Variants in FADS2 observed in about 807,000 individuals in gnomAD.
The protein encoded by FADS2 is acyl-CoA 6-desaturase.
A neutral mutation model predicts 61.2 loss-of-function variants in FADS2; 18 were observed. The ratio of observed to expected loss-of-function variants is 0.29; its 90% CI spans 0.20 to 0.44. The LOEUF (loss-of-function observed/expected upper bound fraction) is 0.44, where lower values mean the gene tolerates loss of function less well. Among genes scored for constraint, FADS2 ranks in the 20% least tolerant of loss-of-function variants. FADS2 has a pLI of 1.00. For synonymous variants in FADS2, 203 were observed against 223.9 expected, an observed-to-expected ratio of 0.91 and a Z score of 0.83; for missense variants, 322 against 572.7, an observed-to-expected ratio of 0.56 and a Z score of 4.47.
Position 61,857,086 on chromosome 11 carries a change from C to T in FADS2, c.805+15C>T, listed in dbSNP as rs900154923. ...CTTCTTCCTGAGTGAGTGCTCGGCG[C>T]CCCGAAATCACTCTGGGACCCTCCC... On this transcript the variant is annotated intron_variant, in intron 6 of 11. Transcript: ENST00000278840. 2 of 1,611,890 alleles carry T rather than the reference C, an allele frequency of 1.2e-6. No individual in the cohort carries two copies. The highest frequency in any genetic ancestry group is 1.7e-6 in the Non-Finnish European group (2 of 1,178,066).
At chr11:61,858,574 C>T (rs867587923) in intron 7 of FADS2, among the ~76,000 whole-genome samples, 1 of 151,728 alleles carries the variant, frequency 6.6e-6, no homozygotes, top group Non-Finnish European at 1.5e-5. Context: ...TGCATTAGGG[C>T]CCATTGTAAT....
chr11:61,825,666 G>C (rs1365013888), upstream of FADS2, among the ~76,000 whole-genome samples: 1 of 150,966 alleles, frequency 6.6e-6, no homozygotes, highest in African/African-American at 2.4e-5. Context: ...GCCGAGGCAG[G>C]TGGATCACGA....
At chr11:61,857,429 C>T (rs919668254) in intron 6 of FADS2, 25 bp from the exon 7 acceptor site, 1 of 1,609,666 alleles carries the variant, frequency 6.2e-7, no homozygotes, top group Non-Finnish European at 8.5e-7. Flanking sequence ...ATGGATGCCT[C>T]TAAGCGCCTG....
At chr11:61,857,575 T>C in intron 7 of FADS2, 45 bp downstream of exon 7, 2 of 1,553,672 alleles carry the variant, frequency 1.3e-6, no homozygotes, top group Non-Finnish European at 1.8e-6. Context: ...GGAGGGTGAC[T>C]GGGACAGGGG....
Position 61,828,823 on chromosome 11 carries a change from T to C in FADS2, c.207+226T>C, listed in dbSNP as rs1190073400. On this transcript the variant is annotated intron_variant, in intron 1 of 11. Transcript: ENST00000278840. The surrounding 1 kb of genome is among the most constrained non-coding windows in gnomAD (Gnocchi z 6.4). ...GGGACCCGGGGAGGCGGCGCTGCGG[T>C]GAAAGTCCCAGCGGTGGAGAACAGG... 2.0e-5 allele frequency: 11 copies of C among 546,468 alleles called. No individual in the cohort carries two copies. Among genetic ancestry groups the C allele is most frequent in the Non-Finnish European group, 2.0e-5 (6 of 306,094 alleles). The allele number at this position is 546,468 out of a possible 1,614,324, so 33.9% of individuals were successfully genotyped here.
At chr11:61,835,990 C>T (rs1192249424) in intron 1 of FADS2, among the ~76,000 whole-genome samples, 5 of 152,200 alleles carry the variant, frequency 3.3e-5, no homozygotes, top group African/African-American at 1.2e-4. Flanking sequence ...AATATCTGGT[C>T]CATATTCATT....
upstream of FADS2, chr11:61,828,112 G>C: frequency 2.3e-6 from 3 of 1,332,928 alleles, no homozygotes; most frequent in East Asian, 9.6e-5. The surrounding 1 kb of genome is among the most constrained non-coding windows in gnomAD (Gnocchi z 6.4). Context: ...TTTTACTGGA[G>C]GCAAAAGTCC....
At chr11:61,855,433 A>C (rs556656) in intron 5 of FADS2, 147,665 of 152,344 alleles carry the variant, frequency 0.97, 71,727 homozygotes, top group East Asian at 1. Flanking sequence ...TCCTCCAGCA[A>C]CTCCGTCCAC....
Position 61,863,375 on chromosome 11 carries a change from C to G in FADS2, c.1074C>G (p.Ser358Arg). The G allele has an allele frequency of 6.2e-7, 1 of 1,610,246 alleles. No homozygotes were observed. The highest frequency in any genetic ancestry group is 8.5e-7 in the Non-Finnish European group (1 of 1,176,478). ...AGGCCTACCGTGACTGGTTCAGTAG[C>G]CAGGTAGGGAAGTCAGGGCCGGTCA... ...DQEAYRDWFSSQLTATCNVEQ... is the reference protein window; with the variant it reads ...DQEAYRDWFSRQLTATCNVEQ... Residue 358 changes from serine to arginine, a missense_variant, in exon 9 of 12, where the codon AGC becomes AGG. Transcript: ENST00000278840.
At chr11:61,817,047 A>C (rs1028442996) in intron 1 of FADS2, 23 of 1,189,382 alleles carry the variant, frequency 1.9e-5, no homozygotes, top group Non-Finnish European at 2.5e-5. Flanking sequence ...TCGCCGCCGG[A>C]TTCGACTTCC....
intron 1 of FADS2, among the ~76,000 whole-genome samples, chr11:61,830,056 TG>T (rs1321346469): frequency 6.6e-6 from 1 of 152,232 alleles, no homozygotes; most frequent in Non-Finnish European, 1.5e-5. Context: ...AGAACTTAGG[TG>T]GGTATGTTTC....
At position 61,866,027 on chromosome 11, in the gene FADS2, G is replaced by A. The variant is rs1220967346; in HGVS notation, c.*338G>A. On this transcript the variant is annotated 3_prime_UTR_variant, in exon 12 of 12. Transcript: ENST00000278840. Reference sequence around the variant, plus strand: ...CCCCTAAAGATGGGAGGAGACCAGCGGTCCATGGGTCTGGCCTGTGAGTCT... The same window carrying A: ...CCCCTAAAGATGGGAGGAGACCAGCAGTCCATGGGTCTGGCCTGTGAGTCT... 7 of 453,492 alleles carry A rather than the reference G, an allele frequency of 1.5e-5. No individual in the cohort carries two copies. Among genetic ancestry groups the A allele is most frequent in the East Asian group, 6.3e-5 (2 of 31,672 alleles). The allele number at this position is 453,492 out of a possible 1,614,324, so 28.1% of individuals were successfully genotyped here. A position where few individuals can be genotyped will look rare whatever the true frequency, so the allele number is the denominator to read the frequency against.
At chr11:61,857,627 A>G in intron 7 of FADS2, 97 bp downstream of exon 7, 1 of 1,106,182 alleles carries the variant, frequency 9.0e-7, no homozygotes, top group Non-Finnish European at 1.4e-6. Context: ...GCCCCAGTGG[A>G]GCCTGTGGGG....
At chr11:61,857,407 A>C (rs1239853342) in intron 6 of FADS2, 47 bp from the exon 7 acceptor site, 1 of 1,559,724 alleles carries the variant, frequency 6.4e-7, no homozygotes, top group South Asian at 1.1e-5. Flanking sequence ...CTTCCGGCAC[A>C]GGCAGGGTGG....
intron 1 of FADS2, among the ~76,000 whole-genome samples, chr11:61,833,060 C>A (rs2067141674): frequency 6.6e-6 from 1 of 152,158 alleles, no homozygotes; most frequent in Non-Finnish European, 1.5e-5. Flanking sequence ...TGGCATCAGA[C>A]CTGGGTGATG....
chr11:61,830,828 G>A (rs1448561184), intron 1 of FADS2, among the ~76,000 whole-genome samples: 1 of 152,208 alleles, frequency 6.6e-6, no homozygotes, highest in African/African-American at 2.4e-5. Context: ...GTAACCACTA[G>A]ATGAATGCAA....
At chr11:61,852,412 C>T (rs2067315117) in intron 5 of FADS2, among the ~76,000 whole-genome samples, 2 of 152,132 alleles carry the variant, frequency 1.3e-5, no homozygotes, top group African/African-American at 4.8e-5. Flanking sequence ...AGGCACCCGC[C>T]ACCATGCCCG....
At chr11:61,850,766 A>G (rs1195262031) in intron 5 of FADS2, among the ~76,000 whole-genome samples, 5 of 152,216 alleles carry the variant, frequency 3.3e-5, no homozygotes, top group Non-Finnish European at 5.9e-5. Flanking sequence ...CCACAAAGCC[A>G]TGCATAGAGT....
chr11:61,858,937 C>T (rs542014285), intron 7 of FADS2, among the ~76,000 whole-genome samples: 3 of 152,198 alleles, frequency 2.0e-5, no homozygotes, highest in Non-Finnish European at 2.9e-5. Flanking sequence ...TTCTGAAATG[C>T]TTGCTTAAAA....
Sources: gnomAD v4.1 joint callset for allele counts (sites outside exome capture counted in the v4.1 genomes callset) on GRCh38, gnomAD v4.1.1 for gene constraint, Gnocchi (gnomAD v3.1) non-coding constraint, MANE v1.5 for transcripts, NCBI Gene and HGNC (gene_info 2026-07-23, HGNC 2026-07-21) for gene names.